MXD3: variants seen among roughly 807,000 people sequenced by gnomAD.
MXD3 encodes MAX dimerization protein 3, also known as Max-associated protein 3.
Under a neutral mutation model 27.5 loss-of-function variants are expected in MXD3, and 20 were observed. The observed-to-expected ratio is 0.73, with a 90% CI of 0.51 to 1.06. The LOEUF (loss-of-function observed/expected upper bound fraction) is 1.06, where lower values mean the gene tolerates loss of function less well. MXD3 is among the 50% of genes least tolerant of loss of function. The pLI is 0.00. For synonymous variants in MXD3, 150 were observed against 130.7 expected, an observed-to-expected ratio of 1.15 and a Z score of -1.01; for missense variants, 298 against 291.3, an observed-to-expected ratio of 1.02 and a Z score of -0.17.
At chr5:177,305,611 A>C, downstream of MXD3, 1 of 490,184 alleles carries the variant, frequency 2.0e-6, no homozygotes, top group Non-Finnish European at 3.7e-6. Context: ...CAGGAGCAGG[A>C]TGGGCTGGAA....
At chr5:177,307,758 C>T in intron 5 of MXD3, 23 bp downstream of exon 5, 5 of 1,613,052 alleles carry the variant, frequency 3.1e-6, no homozygotes, top group Non-Finnish European at 4.2e-6. Flanking sequence ...GGCCACACAA[C>T]CCCTCAGCCT....
intron 4 of MXD3, among the ~76,000 whole-genome samples, chr5:177,308,362 G>A (rs772710316): frequency 2.0e-5 from 3 of 151,920 alleles, no homozygotes; most frequent in Non-Finnish European, 2.9e-5. Flanking sequence ...AGGTCTCCCC[G>A]TTTCTTTTGT....
intron 1 of MXD3, 110 bp downstream of exon 1, chr5:177,311,651 C>T (rs1761042962): frequency 1.6e-6 from 2 of 1,261,394 alleles, no homozygotes; most frequent in Non-Finnish European, 2.2e-6. Flanking sequence ...GCGAGGCGCC[C>T]CGGGATTACT....
downstream of MXD3, chr5:177,306,286 G>A: frequency 6.4e-7 from 1 of 1,560,328 alleles, no homozygotes; most frequent in Non-Finnish European, 8.8e-7. Context: ...CTCCTTGTCT[G>A]TACTGGGGGT....
At chr5:177,311,331 G>A in intron 2 of MXD3, 48 bp downstream of exon 2, 1 of 1,291,734 alleles carries the variant, frequency 7.7e-7, no homozygotes, top group Non-Finnish European at 1.0e-6. Context: ...CCCGACCAGG[G>A]GCGGCGCCCA....
chr5:177,311,862 G>C lies in MXD3; in HGVS notation c.-32C>G. The C allele has an allele frequency of 6.2e-7, 1 of 1,601,828 alleles. No individual in the cohort carries two copies. The highest frequency in any genetic ancestry group is 8.5e-7 in the Non-Finnish European group (1 of 1,175,038). On this transcript the variant is annotated 5_prime_UTR_variant, in exon 1 of 6. Transcript: ENST00000439742. ...GACAGCTGGCGGCGGGCCGGCCTAG[G>C]GTGCCGGCCGGAGCAAGCGGCTGCA...
At chr5:177,311,962 G>A, upstream of MXD3, 4 of 1,330,292 alleles carry the variant, frequency 3.0e-6, no homozygotes, top group East Asian at 6.6e-5. Flanking sequence ...CGCCCCGCCC[G>A]CGGGAACGCC....
At chr5:177,310,393 G>T in intron 4 of MXD3, 33 bp downstream of exon 4, 1 of 1,568,324 alleles carries the variant, frequency 6.4e-7, no homozygotes, top group Non-Finnish European at 8.7e-7. Context: ...ATACACCAGG[G>T]CAAGCCAGTC....
chr5:177,306,049 T>C, downstream of MXD3: 1 of 1,599,416 alleles, frequency 6.3e-7, no homozygotes, highest in South Asian at 1.1e-5. Flanking sequence ...GGGGCTGGGC[T>C]GGGGTCAGTG....
intron 2 of MXD3, chr5:177,311,021 G>A (rs1307375941): frequency 1.4e-5 from 8 of 567,632 alleles, no homozygotes; most frequent in East Asian, 1.2e-4. Context: ...CTGGAGGGAG[G>A]GGCATTCAAA....
chr5:177,311,352 CACTCCCG>C lies in MXD3; in HGVS notation c.176+20_176+26del. Reference sequence around the variant, plus strand: ...CAGGGGCGGCGCCCACCCCCACCCCCACTCCCGCCGCCCCCGGCCTCCTCACCGCCCG... The same window carrying C: ...CAGGGGCGGCGCCCACCCCCACCCCCCCGCCCCCGGCCTCCTCACCGCCCG... On this transcript the variant is annotated intron_variant, in intron 2 of 5. Transcript: ENST00000439742. 7 of 1,403,648 alleles carry C rather than the reference CACTCCCG, an allele frequency of 5.0e-6. No homozygotes were observed. The highest frequency in any genetic ancestry group is 6.5e-6 in the Non-Finnish European group (7 of 1,073,108). The allele number at this position is 1,403,648 out of a possible 1,614,324, so 86.9% of individuals were successfully genotyped here. A position where few individuals can be genotyped will look rare whatever the true frequency, so the allele number is the denominator to read the frequency against.
At chr5:177,305,886 T>G (rs887178898), downstream of MXD3, 1 of 1,613,834 alleles carries the variant, frequency 6.2e-7, no homozygotes, top group Non-Finnish European at 8.5e-7. Context: ...GGAGGAACGA[T>G]GTGTTTACTG....
intron 4 of MXD3, among the ~76,000 whole-genome samples, chr5:177,309,248 G>A (rs1760977541): frequency 6.6e-6 from 1 of 152,210 alleles, no homozygotes; most frequent in South Asian, 2.1e-4. Flanking sequence ...AGCAGGAGAT[G>A]GGCCTGGGTA....
chr5:177,311,708 G>C (rs1000480379), intron 1 of MXD3, 53 bp downstream of exon 1: 12 of 1,571,668 alleles, frequency 7.6e-6, no homozygotes, highest in Non-Finnish European at 8.7e-6. Flanking sequence ...GTCCAGTCCA[G>C]GCCCGTGTCA....
Position 177,307,780 on chromosome 5 carries a change from C to G in MXD3, c.505+1G>C. On this transcript the variant is annotated splice_donor_variant, in intron 5 of 5. Coordinates refer to ENST00000439742, the MANE Select transcript of MXD3 (RefSeq NM_031300.4). LOFTEE classifies it high-confidence loss of function. ...CAACCCCTCAGCCTCGGGGCACTCA[C>G]CTTGGTCTGAGTCTGAGCGCTCAGA... is the stretch of plus-strand genomic sequence containing the variant. 1 of 1,613,210 alleles carries G rather than the reference C, an allele frequency of 6.2e-7. No individual in the cohort carries two copies. The highest frequency in any genetic ancestry group is 1.1e-5 in the South Asian group (1 of 91,070).
chr5:177,310,806 G>A, intron 2 of MXD3, 109 bp from the exon 3 acceptor site: 1 of 1,287,688 alleles, frequency 7.8e-7, no homozygotes, highest in South Asian at 1.2e-5. Context: ...CCCCAAACAA[G>A]TCCCCTGTGG....
At chr5:177,308,461 CTCT>C (rs1760951392) in intron 4 of MXD3, among the ~76,000 whole-genome samples, 1 of 152,228 alleles carries the variant, frequency 6.6e-6, no homozygotes, top group Non-Finnish European at 1.5e-5. Flanking sequence ...CAACCTCCAC[CTCT>C]TAAGTTCAAG....
intron 4 of MXD3, among the ~76,000 whole-genome samples, chr5:177,309,508 G>C (rs893766790): frequency 2.6e-5 from 4 of 152,210 alleles, no homozygotes; most frequent in East Asian, 1.9e-4. Context: ...CAACCAGAGT[G>C]TTACTCAGCC....
In MXD3 at chr5:177,311,746, A is replaced by G. The variant is rs202213714; in HGVS notation, c.70+15T>C. 1.9e-6 allele frequency: 3 copies of G among 1,611,846 alleles called. No homozygotes were observed. The highest frequency in any genetic ancestry group is 1.7e-4 in the Middle Eastern group (1 of 6,056). On this transcript the variant is annotated intron_variant, in intron 1 of 5. Coordinates refer to ENST00000439742, the MANE Select transcript of MXD3 (RefSeq NM_031300.4). ...GAGGTCGCCGCCCGGAATTCAGCCA[A>G]GGGTCCTTCCTCACCTCTCTCACGG...
Sources: gnomAD v4.1 joint callset for allele counts (sites outside exome capture counted in the v4.1 genomes callset) on GRCh38, gnomAD v4.1.1 for gene constraint, MANE v1.5 for transcripts, NCBI Gene and HGNC (gene_info 2026-07-23, HGNC 2026-07-21) for gene names.